Variants in ST7 observed in about 807,000 individuals in gnomAD.
ST7 encodes suppressor of tumorigenicity 7 protein.
A neutral mutation model predicts 78.7 loss-of-function variants in ST7; 28 were observed. The ratio of observed to expected loss-of-function variants is 0.36; its 90% CI spans 0.26 to 0.49. The LOEUF (loss-of-function observed/expected upper bound fraction) is 0.49, where lower values mean the gene tolerates loss of function less well. ST7 is among the 20% of genes least tolerant of loss of function. The pLI is 0.99. For missense variants in ST7, 418 were observed against 696.0 expected, an observed-to-expected ratio of 0.60 and a Z score of 4.49; for synonymous variants, 247 against 249.6, an observed-to-expected ratio of 0.99 and a Z score of 0.10.
At chr7:117,221,625 C>G (rs1429486156) in intron 14 of ST7, among the ~76,000 whole-genome samples, 6 of 152,032 alleles carry the variant, frequency 3.9e-5, no homozygotes, top group African/African-American at 1.4e-4. Context: ...GAAAAAAATA[C>G]TATACATTAG....
chr7:117,142,105 A>G (rs1431491587), intron 9 of ST7, among the ~76,000 whole-genome samples: 2 of 152,072 alleles, frequency 1.3e-5, no homozygotes, highest in Non-Finnish European at 2.9e-5. Context: ...AATATACGAT[A>G]CAATTTCTTT....
chr7:117,221,550 T>C (rs970255310), intron 14 of ST7, among the ~76,000 whole-genome samples: 7 of 152,256 alleles, frequency 4.6e-5, no homozygotes, highest in African/African-American at 7.2e-5. Flanking sequence ...CCAGGTTTTG[T>C]ACAATGAACA....
Position 117,209,897 on chromosome 7 carries a change from G to A in ST7, c.1365G>A (p.Val455=), listed in dbSNP as rs1451366030. 2 of 1,614,064 alleles carry A rather than the reference G, an allele frequency of 1.2e-6. No individual in the cohort carries two copies. Among genetic ancestry groups the A allele is most frequent in the Non-Finnish European group, 1.7e-6 (2 of 1,179,990 alleles). ...TTCATCTTGCACACTGGAAGAGAGTGGAAGGGGCTTTGAATCTTTTGCATT... is the reference window on the plus strand; with the variant it reads ...TTCATCTTGCACACTGGAAGAGAGTAGAAGGGGCTTTGAATCTTTTGCATT... ...AFFHLAHWKR[V]EGALNLLHCT... The change falls in exon 13 of 16, where the codon GTG becomes GTA. Residue 455 remains valine, a synonymous_variant. Coordinates refer to ENST00000323984, the MANE Select transcript of ST7 (RefSeq NM_001369598.1).
At chr7:117,200,777 A>G (rs1307666609) in intron 12 of ST7, among the ~76,000 whole-genome samples, 1 of 151,760 alleles carries the variant, frequency 6.6e-6, no homozygotes, top group Non-Finnish European at 1.5e-5. Flanking sequence ...GAAAGAATGA[A>G]GAGTGTTATG....
rs533721695 is a variant in ST7 at position 117,220,361 on chromosome 7, G to C, written c.1498+1185G>C. On this transcript the variant is annotated intron_variant, in intron 14 of 15. Coordinates refer to ENST00000323984, the MANE Select transcript of ST7 (RefSeq NM_001369598.1). ...TCGAGTTTGATTGTGAAAAGAGTCT[G>C]GTACCTCACACATTAGATTTGATTT... Among the ~76,000 whole-genome samples, 23 of 152,276 alleles carry C rather than the reference G, an allele frequency of 1.5e-4. 1 individual carries two copies. The South Asian group carries it at 3.9e-3, about 26-fold the overall frequency.
chr7:117,179,924 C>T (rs1389070019), intron 10 of ST7, among the ~76,000 whole-genome samples: 1 of 152,040 alleles, frequency 6.6e-6, no homozygotes, highest in Admixed American at 6.6e-5. Flanking sequence ...AGTGGGCTGG[C>T]GAGGTGACCT....
chr7:117,104,659 C>G (rs77811696), intron 2 of ST7, among the ~76,000 whole-genome samples: 1 of 152,168 alleles, frequency 6.6e-6, no homozygotes, highest in African/African-American at 2.4e-5. Context: ...AAAGAGATAC[C>G]TGCAGTCCCA....
At chr7:117,111,330 T>TTAAATC (rs1802413708) in intron 2 of ST7, among the ~76,000 whole-genome samples, 1 of 152,194 alleles carries the variant, frequency 6.6e-6, no homozygotes, top group South Asian at 2.1e-4. Flanking sequence ...CCATGGACAT[T>TTAAATC]TAAAGTACAC....
intron 1 of ST7, chr7:116,956,570 A>G (rs1240483815): frequency 2.1e-5 from 10 of 471,112 alleles, no homozygotes; most frequent in Admixed American, 1.4e-4. Flanking sequence ...TCAGGCAGCC[A>G]GGAGCCAGGG....
At chr7:117,181,885 A>G (rs1808798570) in intron 10 of ST7, among the ~76,000 whole-genome samples, 1 of 152,218 alleles carries the variant, frequency 6.6e-6, no homozygotes, top group Non-Finnish European at 1.5e-5. Context: ...CTGAAATAGG[A>G]GAATACCATA....
At chr7:117,090,195 C>T (rs561672426) in intron 1 of ST7, among the ~76,000 whole-genome samples, 60 of 151,824 alleles carry the variant, frequency 4.0e-4, no homozygotes, top group Non-Finnish European at 6.9e-4. Flanking sequence ...TTGAGTCTTC[C>T]TAATATGGAC....
chr7:117,136,040 T>C, intron 7 of ST7, 41 bp from the exon 8 acceptor site: 3 of 1,604,932 alleles, frequency 1.9e-6, no homozygotes, highest in African/African-American at 1.3e-5. Context: ...TACCATGTCC[T>C]TGGCTTTGTA....
chr7:117,053,347 G>A (rs184879370), intron 1 of ST7, among the ~76,000 whole-genome samples: 72 of 152,288 alleles, frequency 4.7e-4, no homozygotes, highest in African/African-American at 1.6e-3. Flanking sequence ...AGTGTTTTTC[G>A]ATGCTCTCGA....
At chr7:116,998,651 T>C (rs899794096) in intron 1 of ST7, among the ~76,000 whole-genome samples, 2 of 152,284 alleles carry the variant, frequency 1.3e-5, no homozygotes, top group South Asian at 2.1e-4. Flanking sequence ...TTATTGAGCA[T>C]TTACTATGTG....
At chr7:117,059,498 G>A (rs969799810) in intron 1 of ST7, among the ~76,000 whole-genome samples, 1 of 152,114 alleles carries the variant, frequency 6.6e-6, no homozygotes, top group African/African-American at 2.4e-5. Context: ...GTGTGAGAAT[G>A]TGTTTGTGTA....
intron 1 of ST7, among the ~76,000 whole-genome samples, chr7:117,089,348 G>A (rs745646255): frequency 4.6e-5 from 7 of 152,146 alleles, no homozygotes; most frequent in Non-Finnish European, 8.8e-5. Context: ...CTGGTCATGC[G>A]CCTTTGAAAT....
At chr7:116,995,703 A>G (rs1794621252) in intron 1 of ST7, among the ~76,000 whole-genome samples, 1 of 152,144 alleles carries the variant, frequency 6.6e-6, no homozygotes, top group Non-Finnish European at 1.5e-5. Flanking sequence ...GGAATTGCAA[A>G]CTCAGATGCC....
chr7:116,996,885 G>A (rs1035426764), intron 1 of ST7, among the ~76,000 whole-genome samples: 9 of 152,280 alleles, frequency 5.9e-5, no homozygotes, highest in Non-Finnish European at 7.3e-5. Flanking sequence ...TATAAGAAAA[G>A]GATTCGATAG....
chr7:117,167,883 A>G lies in ST7; in HGVS notation c.964-2979A>G, dbSNP rs565331632. 3.9e-5 allele frequency among the ~76,000 whole-genome samples: 6 copies of G among 152,262 alleles called. No individual in the cohort carries two copies. In the East Asian group the frequency reaches 1.2e-3, roughly 29 times the overall value. ...GGAGGGTGTCCACGGGAGCAATTTC[A>G]GTCACCTGTAAATGGGGACAAGCAG... On this transcript the variant is annotated intron_variant, in intron 9 of 15. Transcript: ENST00000323984.
Sources: gnomAD v4.1 joint callset for allele counts (sites outside exome capture counted in the v4.1 genomes callset) on GRCh38, gnomAD v4.1.1 for gene constraint, MANE v1.5 for transcripts, NCBI Gene and HGNC (gene_info 2026-07-23, HGNC 2026-07-21) for gene names.